RASAL2: variants seen among roughly 807,000 people sequenced by gnomAD.
RASAL2 encodes the protein ras GTPase-activating protein nGAP.
In RASAL2, 58 loss-of-function variants were observed where a neutral mutation model predicts 128.9. The ratio of observed to expected loss-of-function variants is 0.45; its 90% confidence interval spans 0.36 to 0.56. The LOEUF (loss-of-function observed/expected upper bound fraction) is 0.56. Among genes scored for constraint, RASAL2 ranks in the 20% least tolerant of loss-of-function variants. The pLI is 0.00. For synonymous variants in RASAL2, 561 were observed against 580.8 expected (o/e 0.97, Z 0.49); for missense variants, 1,360 against 1,601.6 (o/e 0.85, Z 2.57).
At chr1:178,183,496 G>A (rs1023304874) in intron 1 of RASAL2, among the ~76,000 whole-genome samples, 1 of 152,156 alleles carries the variant, frequency 6.6e-6, no homozygotes, top group African/African-American at 2.4e-5. Flanking sequence ...CAGTACCCCC[G>A]ACCCACTCCC....
At chr1:178,286,465 C>T (rs1054529584) in intron 2 of RASAL2, among the ~76,000 whole-genome samples, 2 of 152,008 alleles carry the variant, frequency 1.3e-5, no homozygotes, top group African/African-American at 4.8e-5. Flanking sequence ...AGCTGGAGTG[C>T]AATGGTGCCA....
At chr1:178,391,204 G>A (rs1672887634) in intron 4 of RASAL2, among the ~76,000 whole-genome samples, 1 of 152,050 alleles carries the variant, frequency 6.6e-6, no homozygotes, top group African/African-American at 2.4e-5. Flanking sequence ...TAGACCTTAA[G>A]GATATTATTG....
chr1:178,435,954 A>G (rs745443914), intron 5 of RASAL2, among the ~76,000 whole-genome samples: 2 of 152,100 alleles, frequency 1.3e-5, no homozygotes, highest in African/African-American at 4.8e-5. Flanking sequence ...TATTCTCCCA[A>G]TAAATCCACA....
rs113322068 is a variant in RASAL2 at position 178,301,793 on chromosome 1, G to A, written c.457+1675G>A. Among the ~76,000 whole-genome samples the A allele has an allele frequency of 8.8e-3, 1,344 of 152,194 alleles. 16 individuals are homozygous for A. The highest frequency in any genetic ancestry group is 0.016 in the South Asian group (79 of 4,822). Reference sequence around the variant, plus strand: ...GCTCTTCAAGTTTTGACCCATAAAAGTCAATAGATTTTGAGGAAGTACAAC... The same window carrying A: ...GCTCTTCAAGTTTTGACCCATAAAAATCAATAGATTTTGAGGAAGTACAAC... On this transcript the variant is annotated intron_variant, in intron 3 of 17. Coordinates refer to ENST00000367649, the MANE Select transcript of RASAL2 (RefSeq NM_170692.4).
At chr1:178,411,577 G>T in intron 4 of RASAL2, 1 of 676,214 alleles carries the variant, frequency 1.5e-6, no homozygotes, top group Non-Finnish European at 2.7e-6. Flanking sequence ...TTAAAAAAAT[G>T]AGTGGATGGA....
chr1:178,356,029 G>T (rs1222365286), intron 3 of RASAL2, among the ~76,000 whole-genome samples: 1 of 151,914 alleles, frequency 6.6e-6, no homozygotes, highest in Non-Finnish European at 1.5e-5. Context: ...AATTAGCCGG[G>T]ATGGTGGCGG....
intron 1 of RASAL2, among the ~76,000 whole-genome samples, chr1:178,256,823 G>A (rs1313999557): frequency 3.3e-5 from 5 of 151,906 alleles, no homozygotes; most frequent in South Asian, 4.2e-4. Flanking sequence ...ACAAGCATAC[G>A]CCACCATGCC....
intron 1 of RASAL2, among the ~76,000 whole-genome samples, chr1:178,130,916 C>T (rs1280906204): frequency 4.0e-5 from 6 of 151,842 alleles, no homozygotes; most frequent in Non-Finnish European, 5.9e-5. Flanking sequence ...TAGCCGGGCG[C>T]GGTGGTGGGT....
Position 178,439,535 on chromosome 1 carries a change from C to G in RASAL2, c.788C>G (p.Pro263Arg). Residue 263 changes from proline to arginine, a missense_variant, in exon 6 of 18, where the codon CCA (proline) becomes CGA (arginine). Physicochemically the swap from Pro to Arg is moderately radical, Grantham distance 103 (BLOSUM62 -2). Around this residue, in one of 3 missense-constraint regions of RASAL2, gnomAD observed 617 missense variants for 714.2 expected, o/e 0.86. Transcript: ENST00000367649. The part of the protein sequence containing the change: ...LGRGEPVSVK[P>R]LHSSILGQDF... ...AGAGGGGAACCTGTATCAGTGAAAC[C>G]ACTTCATAGTAGCATCCTTGGACAA... 2 of 1,612,926 alleles carry G rather than the reference C, an allele frequency of 1.2e-6. No homozygotes were observed. The highest frequency in any genetic ancestry group is 1.7e-6 in the Non-Finnish European group (2 of 1,179,278).
At chr1:178,227,827 C>T (rs970047063) in intron 1 of RASAL2, among the ~76,000 whole-genome samples, 1 of 152,098 alleles carries the variant, frequency 6.6e-6, no homozygotes, top group Non-Finnish European at 1.5e-5. Context: ...TGTTCTTGTT[C>T]TGACATTTCA....
chr1:178,255,741 CT>C lies in RASAL2; in HGVS notation c.203-27821del, dbSNP rs369007697. Among the ~76,000 whole-genome samples the C allele has an allele frequency of 8.6e-5, 13 of 151,924 alleles. No individual in the cohort carries two copies. The East Asian group carries it at 1.9e-3, about 23-fold the overall frequency. On this transcript the variant is annotated intron_variant, in intron 1 of 17. Coordinates refer to ENST00000367649, the MANE Select transcript of RASAL2 (RefSeq NM_170692.4). ...ATTTAAATGTATTAGAAAATATTCA[CT>C]TAATGCAAAAGAAAGCAGTAAAAGA...
At chr1:178,214,481 C>T (rs1018310966) in intron 1 of RASAL2, among the ~76,000 whole-genome samples, 1 of 151,910 alleles carries the variant, frequency 6.6e-6, no homozygotes. Flanking sequence ...ACCTTTTGGG[C>T]AGTCAAGTAT....
At chr1:178,397,772 A>G (rs1572000007) in intron 4 of RASAL2, among the ~76,000 whole-genome samples, 1 of 142,508 alleles carries the variant, frequency 7.0e-6, no homozygotes, top group Non-Finnish European at 1.5e-5. Flanking sequence ...TACCTGGCTA[A>G]TTTTTTTTTT....
At chr1:178,467,994 T>G (rs1647909611) in intron 17 of RASAL2, among the ~76,000 whole-genome samples, 1 of 152,166 alleles carries the variant, frequency 6.6e-6, no homozygotes, top group African/African-American at 2.4e-5. Context: ...TTGATAAAAC[T>G]TTAAAAAAAG....
intron 14 of RASAL2, 40 bp downstream of exon 14, chr1:178,458,584 C>G (rs1572113727): frequency 6.5e-7 from 1 of 1,531,548 alleles, no homozygotes; most frequent in East Asian, 2.3e-5. Context: ...TCTACTTGGT[C>G]CATCTGTTTC....
chr1:178,321,136 T>C (rs1479211552), intron 3 of RASAL2, among the ~76,000 whole-genome samples: 1 of 152,202 alleles, frequency 6.6e-6, no homozygotes, highest in Non-Finnish European at 1.5e-5. Context: ...CAGGCTGGAG[T>C]GCAGTGGCTT....
chr1:178,285,440 G>T (rs747166681), intron 2 of RASAL2, among the ~76,000 whole-genome samples: 2 of 152,126 alleles, frequency 1.3e-5, no homozygotes, highest in Non-Finnish European at 2.9e-5. Context: ...CTTCCAAGAG[G>T]CTTGTTAATA....
Position 178,439,406 on chromosome 1 carries a change from C to A in RASAL2, c.675-16C>A. Reference sequence around the variant, plus strand: ...GGCCAAGTTACACTACCTTAAATATCTTTTTCTACTTTTAGGTCTCGTGGG... The same window carrying A: ...GGCCAAGTTACACTACCTTAAATATATTTTTCTACTTTTAGGTCTCGTGGG... On this transcript the variant is annotated splice_polypyrimidine_tract_variant and intron_variant, in intron 5 of 17. Coordinates refer to ENST00000367649, the MANE Select transcript of RASAL2 (RefSeq NM_170692.4). 2.5e-6 allele frequency: 4 copies of A among 1,592,788 alleles called. No individual in the cohort carries two copies. The South Asian group carries it at 3.4e-5, about 14-fold the overall frequency.
At chr1:178,111,460 G>A (rs566094528) in intron 1 of RASAL2, among the ~76,000 whole-genome samples, 12 of 152,262 alleles carry the variant, frequency 7.9e-5, no homozygotes, top group South Asian at 2.1e-4. Flanking sequence ...TGGTTGTACC[G>A]TTTTCCCACT....
Sources: gnomAD v4.1 joint callset for allele counts (sites outside exome capture counted in the v4.1 genomes callset) on GRCh38, gnomAD v4.1.1 for gene constraint, gnomAD v4.1.1 regional missense constraint, MANE v1.5 for transcripts, NCBI Gene and HGNC (gene_info 2026-07-23, HGNC 2026-07-21) for gene names.